The following PLCB2 variants were observed in gnomAD, a reference collection of about 807,000 sequenced individuals.
PLCB2 encodes the protein phospholipase C beta 2.
A neutral mutation model predicts 141.7 loss-of-function variants in PLCB2; 115 were observed. The observed-to-expected ratio is 0.81, with a 90% CI of 0.70 to 0.95. The LOEUF is 0.95. PLCB2 is among the 40% of genes least tolerant of loss of function. PLCB2 has a pLI of 0.00. For synonymous variants in PLCB2, 603 were observed against 595.6 expected (o/e 1.01, Z -0.18); for missense variants, 1,403 against 1,541.1 (o/e 0.91, Z 1.50).
chr15:40,296,827 C>T lies in PLCB2; in HGVS notation c.1405G>A (p.Gly469Ser). Residue 469 changes from glycine to serine, a missense_variant, in exon 14 of 32, where the codon GGC becomes AGC. By Grantham distance (56) the Gly-to-Ser change is moderately conservative (BLOSUM62 0). Around this residue, in one of 4 missense-constraint regions of PLCB2, gnomAD observed 975 missense variants for 1,141.1 expected, o/e 0.85. Coordinates refer to ENST00000260402, the MANE Select transcript of PLCB2 (RefSeq NM_004573.3). ...GTATCCTTACTGGAGGAGGTGGGGC[C>T]AGAAAACTGGTTCTTCTTGTTCTTG... The part of the protein sequence containing the change: ...LIKNKKNQFS[G>S]PTSSSKDTGG... The T allele has an allele frequency of 5.6e-6, 9 of 1,614,126 alleles. No individual in the cohort carries two copies. Among genetic ancestry groups the T allele is most frequent in the Non-Finnish European group, 7.6e-6 (9 of 1,180,002 alleles).
Position 40,303,358 on chromosome 15 carries a change from T to C in PLCB2, c.163-2A>G, listed in dbSNP as rs2040621388. 1 of 1,611,914 alleles carries C rather than the reference T, an allele frequency of 6.2e-7. No homozygotes were observed. Among genetic ancestry groups the C allele is most frequent in the East Asian group, 2.2e-5 (1 of 44,824 alleles). On this transcript the variant is annotated splice_acceptor_variant, in intron 2 of 31. Coordinates refer to ENST00000260402, the MANE Select transcript of PLCB2 (RefSeq NM_004573.3). LOFTEE classifies it high-confidence loss of function. ...GGTGATATCCAGAAACTCCATCTCC[T>C]GGGGGCAGGGTGCGGATCCCGGTGG...
rs1457309135 is a variant in PLCB2, at chr15:40,288,464, C to G, written c.*251G>C. 1.6e-6 allele frequency: 2 copies of G among 1,257,406 alleles called. No individual in the cohort carries two copies. The highest frequency in any genetic ancestry group is 2.0e-6 in the Non-Finnish European group (2 of 1,000,038). 77.9% of individuals were successfully genotyped at this position (1,257,406 alleles called of 1,614,324 possible). ...CCCTCAACAAATATATGACACTTAT[C>G]TAGAGATGGAGGGGGAGGTAGGAAG... On this transcript the variant is annotated 3_prime_UTR_variant, in exon 32 of 32. Coordinates refer to ENST00000260402, the MANE Select transcript of PLCB2 (RefSeq NM_004573.3).
chr15:40,292,893 G>C lies in PLCB2; in HGVS notation c.2326+33C>G, dbSNP rs1213849607. 5 of 1,407,448 alleles carry C rather than the reference G, an allele frequency of 3.6e-6. No homozygotes were observed. In the East Asian group the frequency reaches 9.4e-5, roughly 26 times the overall value. 87.2% of individuals were successfully genotyped at this position (1,407,448 alleles called of 1,614,324 possible). ...ACCCTGTGCACAGGCTCCTGCTGCT[G>C]ATCTTGGAACAGTGAAGGACCCCAC... On this transcript the variant is annotated intron_variant, in intron 21 of 31. Coordinates refer to ENST00000260402, the MANE Select transcript of PLCB2 (RefSeq NM_004573.3).
At chr15:40,284,836 CAAAAAAAAAAA>C (rs56397946), downstream of PLCB2, among the ~76,000 whole-genome samples, 172 of 74,882 alleles carry the variant, frequency 2.3e-3, 2 homozygotes, top group Middle Eastern at 0.015. Flanking sequence ...GAGACTCCGT[CAAAAAAAAAAA>C]AAAAAAAAAA....
Position 40,302,051 on chromosome 15 carries a change from G to A in PLCB2, c.507-19C>T. 1.9e-6 allele frequency: 3 copies of A among 1,614,138 alleles called. No homozygotes were observed. The highest frequency in any genetic ancestry group is 2.5e-6 in the Non-Finnish European group (3 of 1,179,964). ...GAAAAAGCTGAAGGGGCAGAGAAAG[G>A]TACCAGGTACAGAGAGGAGTCAGGC... is the stretch of plus-strand genomic sequence containing the variant. On this transcript the variant is annotated intron_variant, in intron 6 of 31. Transcript: ENST00000260402.
chr15:40,297,877 G>C lies in PLCB2; in HGVS notation c.1238C>G (p.Ser413Ter). ...TGGCTGAATGGGCCTGGATACGCAC[G>C]AGTCCACATGGTTCTCAAACGACAG... ...IILSFENHVD[S>*]PRQQAKMAEY... Residue 413 changes from serine to a stop codon, truncating the protein, a stop_gained and splice_region_variant, in exon 12 of 32, where the codon TCA becomes TGA. Transcript: ENST00000260402. LOFTEE classifies it high-confidence loss of function. This position sits in a 1 kb window ranked among gnomAD's most constrained non-coding sequence, Gnocchi z 4.2. 1 of 1,611,578 alleles carries C rather than the reference G, an allele frequency of 6.2e-7. No homozygotes were observed. Among genetic ancestry groups the C allele is most frequent in the Non-Finnish European group, 8.5e-7 (1 of 1,177,756 alleles).
rs1345842063 is a variant in PLCB2, at chr15:40,298,916, G to T, written c.732C>A (p.Phe244Leu). The T allele has an allele frequency of 1.9e-6, 3 of 1,609,548 alleles. No homozygotes were observed. The highest frequency in any genetic ancestry group is 2.2e-5 in the South Asian group (2 of 91,070). Residue 244 changes from phenylalanine (F) to leucine (L), a missense_variant, in exon 9 of 32, where the codon TTC (phenylalanine) becomes TTA (leucine). Physicochemically the swap from Phe to Leu is conservative, Grantham distance 22 (BLOSUM62 0). Coordinates refer to ENST00000260402, the MANE Select transcript of PLCB2 (RefSeq NM_004573.3). ...GGGAGTCCCGCTGTTTCTGGTTGAT[G>T]AATTTGGTCAGGTGCTCCTTCGTCA... is the stretch of plus-strand genomic sequence containing the variant. ...PYMTKEHLTK[F>L]INQKQRDSRL...
chr15:40,291,172 CG>C lies in PLCB2; in HGVS notation c.2881del (p.Arg961AlafsTer23). 1 of 1,571,046 alleles carries C rather than the reference CG, an allele frequency of 6.4e-7. No homozygotes were observed. On this transcript the variant is annotated frameshift_variant, in exon 27 of 32. Coordinates refer to ENST00000260402, the MANE Select transcript of PLCB2 (RefSeq NM_004573.3). LOFTEE classifies it high-confidence loss of function. ...KGSRKKRSLP[R>X]EESAGAAPGE... ...CGGCGCGGCTCCGGCGCTCTCCTCG[CG>C]GGGCAGGCTCCTGGGGAGGCCACGT... is the stretch of plus-strand genomic sequence containing the variant.
chr15:40,291,136 G>A lies in PLCB2; in HGVS notation c.2918C>T (p.Pro973Leu), dbSNP rs1298819866. The stretch of plus-strand genomic sequence containing the variant: ...CCGCACGCGCCCGTCCACGCCCTCA[G>A]GGCCCTCGCCCGGCGCGGCTCCGGC... ...ESAGAAPGEG[P>L]EGVDGRVREL... Residue 973 changes from proline (P) to leucine (L), a missense_variant, in exon 27 of 32, where the codon CCT becomes CTT. Pro to Leu is a moderately conservative substitution (Grantham distance 98). Transcript: ENST00000260402. 1 of 1,574,198 alleles carries A rather than the reference G, an allele frequency of 6.4e-7. No homozygotes were observed. Among genetic ancestry groups the A allele is most frequent in the African/African-American group, 1.3e-5 (1 of 74,340 alleles).
In PLCB2 at chr15:40,288,838, G is replaced by A. The variant is rs1296010310; in HGVS notation, c.3435C>T (p.Cys1145=). Residue 1145 remains cysteine (C), a synonymous_variant, in exon 32 of 32, where the codon TGC becomes TGT. Transcript: ENST00000260402. ...EAEVKESVRA[C]LRTCFPSEAK... ...CCTCGGAGGGAAAGCAGGTCCTGAGGCAGGCCCTCACCGACTCCTTCACCT... is the reference window on the plus strand; with the variant it reads ...CCTCGGAGGGAAAGCAGGTCCTGAGACAGGCCCTCACCGACTCCTTCACCT... 1.2e-6 allele frequency: 2 copies of A among 1,613,948 alleles called. No individual in the cohort carries two copies. Among genetic ancestry groups the A allele is most frequent in the Non-Finnish European group, 1.7e-6 (2 of 1,180,014 alleles).
At chr15:40,303,921 C>T (rs2040657405) in intron 2 of PLCB2, 80 bp downstream of exon 2, 1 of 998,884 alleles carries the variant, frequency 1.0e-6, no homozygotes, top group Non-Finnish European at 1.5e-6. Context: ...TCCATGCCTC[C>T]ACCTTGGTGC....
intron 16 of PLCB2, among the ~76,000 whole-genome samples, chr15:40,295,637 G>C (rs1046093117): frequency 4.6e-5 from 7 of 152,186 alleles, no homozygotes; most frequent in African/African-American, 1.7e-4. Context: ...CACATGCTTT[G>C]ATGTGCACAG....
chr15:40,304,872 C>T (rs1252075808), intron 1 of PLCB2, among the ~76,000 whole-genome samples: 2 of 152,210 alleles, frequency 1.3e-5, no homozygotes, highest in African/African-American at 2.4e-5. Flanking sequence ...TTTAGTTTAA[C>T]GGTCTTTGTA....
In PLCB2 at chr15:40,297,570, C is replaced by T. The variant is rs200216697; in HGVS notation, c.1274G>A (p.Arg425Gln). The change falls in exon 13 of 32, where the codon CGG becomes CAG. Residue 425 changes from arginine to glutamine, a missense_variant. By Grantham distance (43) the Arg-to-Gln change is conservative. Around this residue, in one of 4 missense-constraint regions of PLCB2, gnomAD observed 975 missense variants for 1,141.1 expected, o/e 0.85. Transcript: ENST00000260402. The surrounding 1 kb of genome is among the most constrained non-coding windows in gnomAD (Gnocchi z 4.2). ...RQQAKMAEYC[R>Q]TIFGDMLLTE... ...GAGCAGCATATCCCCAAAGATCGTC[C>T]GGCAATACTCAGCCATCTTAGCCTG... 1.2e-4 allele frequency: 201 copies of T among 1,614,154 alleles called. No individual in the cohort carries two copies. In the East Asian group the frequency reaches 2.1e-3, roughly 17 times the overall value.
In PLCB2 at chr15:40,297,462, C is replaced by T; in HGVS notation, c.1323+59G>A. 7.6e-7 allele frequency: 1 copy of T among 1,321,016 alleles called. No homozygotes were observed. Among genetic ancestry groups the T allele is most frequent in the Non-Finnish European group, 1.1e-6 (1 of 912,594 alleles). 81.8% of individuals were successfully genotyped at this position (1,321,016 alleles called of 1,614,324 possible). A position where few individuals can be genotyped will look rare whatever the true frequency, so the allele number is the denominator to read the frequency against. On this transcript the variant is annotated intron_variant, in intron 13 of 31. Transcript: ENST00000260402. This position sits in a 1 kb window ranked among gnomAD's most constrained non-coding sequence, Gnocchi z 4.2. ...GTGTCTCCCTCCCTAACCTGGTTCT[C>T]ACCCTGCCCCAGGTTCCCAGGCCCA...
At position 40,296,634 on chromosome 15, in the gene PLCB2, A is replaced by G. The variant is rs773843320; in HGVS notation, c.1487T>C (p.Val496Ala). 4.3e-6 allele frequency: 7 copies of G among 1,612,756 alleles called. No individual in the cohort carries two copies. The highest frequency in any genetic ancestry group is 2.2e-5 in the East Asian group (1 of 44,878). ...CTCAGTCCCTTCCTCGCCAGCCCAC[A>G]CTGCCACATACAGCTCTGTCGGCAC... is the stretch of plus-strand genomic sequence containing the variant. ...PPSAPAGEGTVWAGEEGTELE... is the reference protein window; with the variant it reads ...PPSAPAGEGTAWAGEEGTELE... The change falls in exon 15 of 32, where the codon GTG becomes GCG. Residue 496 changes from valine to alanine, a missense_variant and splice_region_variant. Transcript: ENST00000260402.
chr15:40,304,158 C>A, intron 1 of PLCB2, 80 bp from the exon 2 acceptor site: 1 of 930,228 alleles, frequency 1.1e-6, no homozygotes, highest in South Asian at 1.4e-5. Flanking sequence ...TTTCAGAGCT[C>A]ATTATCTTCC....
In PLCB2 at chr15:40,296,837, GTTC is replaced by G. The variant is rs752775326; in HGVS notation, c.1392_1394del (p.Lys464del). ...TGGAGGAGGTGGGGCCAGAAAACTG[GTTC>G]TTCTTGTTCTTGATGAGGATCTTGC... On this transcript the variant is annotated inframe_deletion, in exon 14 of 32. Coordinates refer to ENST00000260402, the MANE Select transcript of PLCB2 (RefSeq NM_004573.3). 9 of 1,614,098 alleles carry G rather than the reference GTTC, an allele frequency of 5.6e-6. 1 individual carries two copies. The East Asian group carries it at 6.7e-5, about 12-fold the overall frequency.
At position 40,291,171 on chromosome 15, in the gene PLCB2, G is replaced by A. The variant is rs765468006; in HGVS notation, c.2883C>T (p.Arg961=). 6.4e-7 allele frequency: 1 copy of A among 1,570,780 alleles called. No homozygotes were observed. Among genetic ancestry groups the A allele is most frequent in the Non-Finnish European group, 8.6e-7 (1 of 1,166,130 alleles). The change falls in exon 27 of 32, where the codon CGC becomes CGT. Residue 961 remains arginine, a synonymous_variant. Transcript: ENST00000260402. Reference sequence around the variant, plus strand: ...CCGGCGCGGCTCCGGCGCTCTCCTCGCGGGGCAGGCTCCTGGGGAGGCCAC... The same window carrying A: ...CCGGCGCGGCTCCGGCGCTCTCCTCACGGGGCAGGCTCCTGGGGAGGCCAC... ...KGSRKKRSLP[R]EESAGAAPGE...
Sources: allele counts gnomAD v4.1 joint callset (sites outside exome capture counted in the v4.1 genomes callset), GRCh38; gene constraint gnomAD v4.1.1; regional missense constraint gnomAD v4.1.1; non-coding constraint Gnocchi (gnomAD v3.1); transcripts MANE v1.5; gene names NCBI Gene and HGNC (gene_info 2026-07-23, HGNC 2026-07-21).